YWHAE: variants seen among roughly 807,000 people sequenced by gnomAD.
YWHAE encodes the protein tyrosine 3-monooxygenase/tryptophan 5-monooxygenase activation protein epsilon.
Under a neutral mutation model 30.1 loss-of-function variants are expected in YWHAE, and 4 were observed. The observed-to-expected ratio is 0.13, with a 90% CI of 0.07 to 0.30. The LOEUF is 0.30. Ranked by LOEUF, YWHAE falls within the 10% of genes least tolerant of loss-of-function variation. The pLI is 1.00. For missense variants in YWHAE, 121 were observed against 315.9 expected (o/e 0.38, Z 4.68); for synonymous variants, 118 against 111.8 (o/e 1.06, Z -0.35).
chr17:1,361,351 T>A, intron 3 of YWHAE, 53 bp from the exon 4 acceptor site: 1 of 1,459,902 alleles, frequency 6.8e-7, no homozygotes, highest in Non-Finnish European at 9.3e-7. Context: ...TAGGAACGAT[T>A]TTTAAAGGAA....
intron 5 of YWHAE, among the ~76,000 whole-genome samples, chr17:1,348,961 G>C (rs539587544): frequency 6.7e-6 from 1 of 149,398 alleles, no homozygotes; most frequent in African/African-American, 2.5e-5. Context: ...GGGAGGCGGA[G>C]TTTGCAGTGA....
At chr17:1,347,159 C>G (rs1350768200) in intron 5 of YWHAE, among the ~76,000 whole-genome samples, 5 of 114,098 alleles carry the variant, frequency 4.4e-5, no homozygotes, top group Non-Finnish European at 8.9e-5. Context: ...AACCCTGTCT[C>G]TACTAAAAAT....
At chr17:1,384,729 G>A (rs897703781) in intron 1 of YWHAE, among the ~76,000 whole-genome samples, 5 of 151,920 alleles carry the variant, frequency 3.3e-5, no homozygotes, top group African/African-American at 9.7e-5. Context: ...GCCCAGCCCA[G>A]AGTTTTTCTC....
At position 1,352,561 on chromosome 17, in the gene YWHAE, G is replaced by A. The variant is rs550077198; in HGVS notation, c.715+1650C>T. 4.7e-5 allele frequency among the ~76,000 whole-genome samples: 7 copies of A among 149,904 alleles called. No individual in the cohort carries two copies. The East Asian group carries it at 1.4e-3, about 29-fold the overall frequency. The stretch of plus-strand genomic sequence containing the variant: ...TTTTTTTTAGATGGAGTCTTCCTCT[G>A]TAGCCCAGGTTGGAGTGCAATGGCG... On this transcript the variant is annotated intron_variant, in intron 5 of 5. Transcript: ENST00000264335.
chr17:1,385,106 C>A (rs901899128), intron 1 of YWHAE, among the ~76,000 whole-genome samples: 44 of 140,646 alleles, frequency 3.1e-4, no homozygotes, highest in Admixed American at 9.9e-4. Flanking sequence ...TCACCCTCTA[C>A]TGCACTCCAC....
intron 5 of YWHAE, among the ~76,000 whole-genome samples, chr17:1,346,616 G>C (rs1225749307): frequency 6.6e-6 from 1 of 152,172 alleles, no homozygotes; most frequent in African/African-American, 2.4e-5. Flanking sequence ...TTCTGCGGCG[G>C]AAACGCTTGA....
chr17:1,358,850 GC>G (rs2072805800), intron 4 of YWHAE, among the ~76,000 whole-genome samples: 1 of 140,962 alleles, frequency 7.1e-6, no homozygotes, highest in Non-Finnish European at 1.6e-5. Flanking sequence ...AAAAAAAAGG[GC>G]TGGCCAAGCA....
At chr17:1,363,975 C>A (rs538208029) in intron 2 of YWHAE, among the ~76,000 whole-genome samples, 1 of 152,290 alleles carries the variant, frequency 6.6e-6, no homozygotes, top group East Asian at 1.9e-4. Flanking sequence ...GCTAGGAACA[C>A]CCTCCAGAAG....
rs141949780 is a variant in YWHAE, at chr17:1,369,253, T to C, written c.65-4195A>G. Among the ~76,000 whole-genome samples, 364 of 152,264 alleles carry C rather than the reference T, an allele frequency of 2.4e-3. 2 individuals carry two copies. Among genetic ancestry groups the C allele is most frequent in the Non-Finnish European group, 3.2e-3 (221 of 68,014 alleles). On this transcript the variant is annotated intron_variant, in intron 1 of 5. Coordinates refer to ENST00000264335, the MANE Select transcript of YWHAE (RefSeq NM_006761.5). The stretch of plus-strand genomic sequence containing the variant: ...AGCAGGGGCTCACCCCTGTAAACCT[T>C]GGGAGGCCGAGGTGGGTGGATCATG...
chr17:1,395,443 C>T (rs1386416010), intron 1 of YWHAE, among the ~76,000 whole-genome samples: 3 of 152,178 alleles, frequency 2.0e-5, no homozygotes, highest in Non-Finnish European at 4.4e-5. Context: ...CCAGGAGAAC[C>T]GCTTGAACCT....
At chr17:1,375,023 G>A (rs994849822) in intron 1 of YWHAE, among the ~76,000 whole-genome samples, 5 of 152,014 alleles carry the variant, frequency 3.3e-5, no homozygotes, top group Admixed American at 6.6e-5. Flanking sequence ...TCCTGGCCTC[G>A]AGTGATCCTC....
chr17:1,383,744 T>C (rs2073253825), intron 1 of YWHAE, among the ~76,000 whole-genome samples: 1 of 152,074 alleles, frequency 6.6e-6, no homozygotes, highest in Admixed American at 6.6e-5. Flanking sequence ...TGCTGCACAA[T>C]CGTAAGTTGC....
In YWHAE at chr17:1,399,891, C is replaced by A. The variant is rs370734909; in HGVS notation, c.64+156G>T. 872 of 853,288 alleles carry A rather than the reference C, an allele frequency of 1.0e-3. 2 individuals are homozygous for A. In the African/African-American group the frequency reaches 0.012, roughly 12 times the overall value. The allele number at this position is 853,288 out of a possible 1,614,324, so 52.9% of individuals were successfully genotyped here. A position where few individuals can be genotyped will look rare whatever the true frequency, so the allele number is the denominator to read the frequency against. Reference sequence around the variant, plus strand: ...CATTCCAGGGCATAGAGCCTCCCATCGCCCCGGGAGCTCCCAGGCCATTTC... The same window carrying A: ...CATTCCAGGGCATAGAGCCTCCCATAGCCCCGGGAGCTCCCAGGCCATTTC... On this transcript the variant is annotated intron_variant, in intron 1 of 5. Coordinates refer to ENST00000264335, the MANE Select transcript of YWHAE (RefSeq NM_006761.5).
At chr17:1,375,033 C>T (rs2073102324) in intron 1 of YWHAE, among the ~76,000 whole-genome samples, 2 of 152,140 alleles carry the variant, frequency 1.3e-5, no homozygotes, top group African/African-American at 4.8e-5. Context: ...GAGTGATCCT[C>T]CCACCTCAGC....
intron 1 of YWHAE, among the ~76,000 whole-genome samples, chr17:1,383,865 G>A (rs953813915): frequency 2.0e-5 from 3 of 151,874 alleles, no homozygotes; most frequent in Non-Finnish European, 2.9e-5. Context: ...GTTCAAGACC[G>A]GCCTGGGCAA....
intron 4 of YWHAE, among the ~76,000 whole-genome samples, chr17:1,359,808 A>ATTG (rs907542297): frequency 8.4e-6 from 1 of 119,582 alleles, no homozygotes; most frequent in Non-Finnish European, 1.7e-5. Context: ...GTGCCACTAA[A>ATTG]TTGTTGTGTG....
intron 1 of YWHAE, among the ~76,000 whole-genome samples, chr17:1,367,598 T>G (rs1332968023): frequency 6.6e-6 from 1 of 152,174 alleles, no homozygotes; most frequent in African/African-American, 2.4e-5. Context: ...ACAATTACTT[T>G]GTATAATCCT....
At chr17:1,382,961 G>T (rs2073238326) in intron 1 of YWHAE, among the ~76,000 whole-genome samples, 1 of 151,574 alleles carries the variant, frequency 6.6e-6, no homozygotes, top group Non-Finnish European at 1.5e-5. Flanking sequence ...GGAGGCTGAG[G>T]TTGCAGTGAG....
chr17:1,382,857 T>TC lies in YWHAE; in HGVS notation c.64+17189dup, dbSNP rs571219107. ...CTGGCCAACCTGGCGAAACCCCATC[T>TC]CTACTAATAATACAAAAATTATCCA... On this transcript the variant is annotated intron_variant, in intron 1 of 5. Transcript: ENST00000264335. Among the ~76,000 whole-genome samples the TC allele has an allele frequency of 3.5e-4, 53 of 151,760 alleles. 1 individual carries two copies. In the East Asian group the frequency reaches 7.0e-3, roughly 20 times the overall value.
Sources: gnomAD v4.1 joint callset for allele counts (sites outside exome capture counted in the v4.1 genomes callset) on GRCh38, gnomAD v4.1.1 for gene constraint, MANE v1.5 for transcripts, NCBI Gene and HGNC (gene_info 2026-07-23, HGNC 2026-07-21) for gene names.